The following ULK4 variants were observed in gnomAD, a reference collection of about 807,000 sequenced individuals.
ULK4 encodes the protein inactive serine/threonine-protein kinase ULK4.
A neutral mutation model predicts 160.6 loss-of-function variants in ULK4; 133 were observed. That is an observed-to-expected ratio of 0.83 (90% CI 0.72 to 0.96). ULK4 has a LOEUF of 0.96. Among genes scored for constraint, ULK4 ranks in the 40% least tolerant of loss-of-function variants. ULK4 has a pLI of 0.00. For missense variants in ULK4, 1,580 were observed against 1,499.5 expected (o/e 1.05, Z -0.89); for synonymous variants, 534 against 539.8 (o/e 0.99, Z 0.15).
At chr3:41,322,075 A>C (rs1471331555) in intron 35 of ULK4, among the ~76,000 whole-genome samples, 4 of 144,288 alleles carry the variant, frequency 2.8e-5, no homozygotes, top group Non-Finnish European at 4.5e-5. Context: ...TCTGTCACCC[A>C]GGCTGGAGTG....
At chr3:41,456,288 A>C (rs2083551046) in intron 33 of ULK4, among the ~76,000 whole-genome samples, 1 of 152,176 alleles carries the variant, frequency 6.6e-6, no homozygotes, top group South Asian at 2.1e-4. Flanking sequence ...AGTTTGTCTA[A>C]CATCTCACAG....
At chr3:41,780,208 G>A (rs2039785486) in intron 21 of ULK4, among the ~76,000 whole-genome samples, 1 of 151,794 alleles carries the variant, frequency 6.6e-6, no homozygotes, top group Non-Finnish European at 1.5e-5. Context: ...AGCCACCCTG[G>A]AAGGTGGAAA....
intron 27 of ULK4, among the ~76,000 whole-genome samples, chr3:41,685,000 T>A (rs2036052328): frequency 6.6e-6 from 1 of 152,244 alleles, no homozygotes; most frequent in Non-Finnish European, 1.5e-5. Context: ...TGCCTCATGC[T>A]GTAGCTCAGT....
chr3:41,750,499 T>C (rs996611570), intron 22 of ULK4, among the ~76,000 whole-genome samples: 3 of 152,158 alleles, frequency 2.0e-5, no homozygotes, highest in Admixed American at 6.5e-5. Flanking sequence ...CTCTCAAGTT[T>C]CCATGTCTTT....
At position 41,810,084 on chromosome 3, in the gene ULK4, C is replaced by T. The variant is rs143629411; in HGVS notation, c.1848+9339G>A. Among the ~76,000 whole-genome samples the T allele has an allele frequency of 4.9e-3, 742 of 152,256 alleles. 3 individuals are homozygous for T. The highest frequency in any genetic ancestry group is 8.6e-3 in the Non-Finnish European group (583 of 68,014). On this transcript the variant is annotated intron_variant, in intron 19 of 36. Transcript: ENST00000301831. Reference sequence around the variant, plus strand: ...TATAGGTCTAATTCTTTATAGTTAACATTTATGAAACTATATTTATATATC... The same window carrying T: ...TATAGGTCTAATTCTTTATAGTTAATATTTATGAAACTATATTTATATATC...
chr3:41,757,697 A>G (rs2038852984), intron 21 of ULK4, among the ~76,000 whole-genome samples: 1 of 150,608 alleles, frequency 6.6e-6, no homozygotes, highest in Non-Finnish European at 1.5e-5. Context: ...GCAGTGGTGC[A>G]ATCTCGGCTC....
rs532882770 is a variant in ULK4, at chr3:41,279,147, A to G, written c.3679-29573T>C. Among the ~76,000 whole-genome samples the G allele has an allele frequency of 3.3e-5, 5 of 152,074 alleles. No individual in the cohort carries two copies. In the East Asian group the frequency reaches 9.7e-4, roughly 29 times the overall value. On this transcript the variant is annotated intron_variant, in intron 35 of 36. Coordinates refer to ENST00000301831, the MANE Select transcript of ULK4 (RefSeq NM_017886.4). ...CCACAGCACAAGAACTTCGTGACGC[A>G]TGCACGAGTTTAAATAGCCAATTCG...
At chr3:41,545,682 G>C (rs1013815653) in intron 32 of ULK4, among the ~76,000 whole-genome samples, 2 of 152,092 alleles carry the variant, frequency 1.3e-5, no homozygotes, top group Non-Finnish European at 2.9e-5. Flanking sequence ...CCAAATTTGT[G>C]AAGATCTTGG....
At chr3:41,698,298 TTC>T (rs1434230002) in intron 27 of ULK4, among the ~76,000 whole-genome samples, 1 of 152,184 alleles carries the variant, frequency 6.6e-6, no homozygotes, top group Non-Finnish European at 1.5e-5. Flanking sequence ...AAACTTTTTT[TTC>T]TCTTTTTTAG....
At position 41,892,247 on chromosome 3, in the gene ULK4, A is replaced by C. The variant is rs555831776; in HGVS notation, c.1577+3271T>G. ...AAAAATTGGCAAATGACTTGACTAG[A>C]TCTTTCTCCAAAGAAGATATACAAA... On this transcript the variant is annotated intron_variant, in intron 16 of 36. Coordinates refer to ENST00000301831, the MANE Select transcript of ULK4 (RefSeq NM_017886.4). Among the ~76,000 whole-genome samples, 17 of 152,362 alleles carry C rather than the reference A, an allele frequency of 1.1e-4. No individual in the cohort carries two copies. In the South Asian group the frequency reaches 3.3e-3, roughly 30 times the overall value.
rs922512153 is a variant in ULK4, at chr3:41,734,342, T to A, written c.2322-16481A>T. 2.2e-4 allele frequency among the ~76,000 whole-genome samples: 34 copies of A among 152,310 alleles called. 1 individual carries two copies. The highest frequency in any genetic ancestry group is 6.5e-4 in the Admixed American group (10 of 15,302). On this transcript the variant is annotated intron_variant, in intron 22 of 36. Transcript: ENST00000301831. ...CTGAATGTATTTGACTATTACTGAG[T>A]AACTGGATCAAGTGCTACTGAATGT...
chr3:41,834,721 T>G (rs908666615), intron 18 of ULK4, among the ~76,000 whole-genome samples: 1 of 152,202 alleles, frequency 6.6e-6, no homozygotes, highest in Non-Finnish European at 1.5e-5. Context: ...TATGTAACAT[T>G]TGAGCAAGTG....
Position 41,594,018 on chromosome 3 carries a change from C to G in ULK4, c.3120+21651G>C, listed in dbSNP as rs914299778. 5.3e-5 allele frequency among the ~76,000 whole-genome samples: 8 copies of G among 151,990 alleles called. No individual in the cohort carries two copies. In the Middle Eastern group the frequency reaches 0.01, roughly 194 times the overall value. On this transcript the variant is annotated intron_variant, in intron 31 of 36. Coordinates refer to ENST00000301831, the MANE Select transcript of ULK4 (RefSeq NM_017886.4). The stretch of plus-strand genomic sequence containing the variant: ...TGAGGGAGCACCACTGCACTCCAGC[C>G]TGGGTGACAGAGCCAGACTGTGTCG...
intron 25 of ULK4, among the ~76,000 whole-genome samples, chr3:41,713,867 T>C (rs9847006): frequency 0.32 from 48,443 of 151,878 alleles, 11,415 homozygotes; most frequent in African/African-American, 0.67. Flanking sequence ...TTGGTAATTC[T>C]TTAAAAACCT....
chr3:41,779,498 G>T (rs377355604), intron 21 of ULK4, among the ~76,000 whole-genome samples: 6 of 18,824 alleles, frequency 3.2e-4, no homozygotes, highest in African/African-American at 5.3e-4. Context: ...TATACCCAAA[G>T]GATTATAAAT....
At chr3:41,934,401 G>T (rs1699694628) in intron 4 of ULK4, among the ~76,000 whole-genome samples, 1 of 152,170 alleles carries the variant, frequency 6.6e-6, no homozygotes, top group Admixed American at 6.5e-5. Flanking sequence ...GAAATATCCA[G>T]CTTTTTCTTT....
chr3:41,941,755 C>CAAAAAAAAA (rs565727539), intron 2 of ULK4, among the ~76,000 whole-genome samples: 1,271 of 30,692 alleles, frequency 0.041, 289 homozygotes, highest in Non-Finnish European at 0.056. Flanking sequence ...GACTCTGTCT[C>CAAAAAAAAA]AAAAAAAAAA....
chr3:41,481,062 T>A (rs1287388828), intron 32 of ULK4, among the ~76,000 whole-genome samples: 14 of 152,138 alleles, frequency 9.2e-5, no homozygotes. Context: ...ATACAAAATG[T>A]ATGTTAATAA....
chr3:41,662,800 G>C (rs60972745), intron 30 of ULK4, among the ~76,000 whole-genome samples: 6,424 of 151,808 alleles, frequency 0.042, 439 homozygotes, highest in African/African-American at 0.15. Flanking sequence ...GGACCTCTCA[G>C]ACAAACTAAT....
Sources: gnomAD v4.1 joint callset for allele counts (sites outside exome capture counted in the v4.1 genomes callset) on GRCh38, gnomAD v4.1.1 for gene constraint, MANE v1.5 for transcripts, NCBI Gene and HGNC (gene_info 2026-07-23, HGNC 2026-07-21) for gene names.